GET4: variants seen among roughly 807,000 people sequenced by gnomAD.
GET4 encodes the protein guided entry of tail-anchored proteins factor 4.
GET4 carries 20 observed loss-of-function variants against 40.0 expected under a neutral mutation model. That is an observed-to-expected ratio of 0.50 (90% CI 0.35 to 0.73). GET4 has a LOEUF of 0.73. Among genes scored for constraint, GET4 ranks in the 30% least tolerant of loss-of-function variants. GET4 has a pLI of 0.01. For missense variants in GET4, 557 were observed against 454.0 expected (o/e 1.23, Z -2.06); for synonymous variants, 280 against 194.6 (o/e 1.44, Z -3.65).
chr7:883,430 C>T (rs1255431116), intron 1 of GET4: 3 of 790,240 alleles, frequency 3.8e-6, no homozygotes, highest in East Asian at 1.3e-4. Context: ...CCGACAGTCT[C>T]GGCCACTAGT....
At chr7:883,945 TGCCCGGCTCCCA>T in intron 1 of GET4, 1 of 1,061,846 alleles carries the variant, frequency 9.4e-7, no homozygotes, top group Non-Finnish European at 1.1e-6. Context: ...TTTTTCCCCT[TGCCCGGCTCCCA>T]GCTGCCCAGG....
At chr7:886,457 C>T (rs1844190315) in intron 2 of GET4, 112 bp from the exon 3 acceptor site, 6 of 749,208 alleles carry the variant, frequency 8.0e-6, no homozygotes, top group South Asian at 7.9e-5. Context: ...TCAGAAGAGA[C>T]TCCTCAGCAC....
intron 2 of GET4, 123 bp from the exon 3 acceptor site, chr7:886,446 C>A: frequency 1.4e-6 from 1 of 718,210 alleles, no homozygotes; most frequent in Non-Finnish European, 2.5e-6. Flanking sequence ...GGACGTGGTG[C>A]TCAGAAGAGA....
rs1383886497 is a variant in GET4 at position 887,548 on chromosome 7, C to T, written c.466+29C>T. Reference sequence around the variant, plus strand: ...GGCCTGGGGCCAGGGCAGGCGTGGGCACCTCTCTGCTCTCGGCGTTGATTT... The same window carrying T: ...GGCCTGGGGCCAGGGCAGGCGTGGGTACCTCTCTGCTCTCGGCGTTGATTT... On this transcript the variant is annotated intron_variant, in intron 4 of 8. Coordinates refer to ENST00000265857, the MANE Select transcript of GET4 (RefSeq NM_015949.3). 5 of 1,483,248 alleles carry T rather than the reference C, an allele frequency of 3.4e-6. No homozygotes were observed. In the African/African-American group the frequency reaches 4.2e-5, roughly 13 times the overall value. 91.9% of individuals were successfully genotyped at this position (1,483,248 alleles called of 1,614,324 possible).
intron 4 of GET4, 101 bp from the exon 5 acceptor site, chr7:890,827 C>T (rs12668371): frequency 2.1e-5 from 20 of 938,994 alleles, no homozygotes; most frequent in Middle Eastern, 2.3e-4. Context: ...TCCTCCAGGG[C>T]GGGCAGGTGG....
chr7:877,801 C>T (rs868332483), intron 1 of GET4: 93 of 70,192 alleles, frequency 1.3e-3, no homozygotes, highest in Middle Eastern at 9.3e-3. Flanking sequence ...CCGTGGCCTT[C>T]CCAGATCTTC....
rs949427185 is a variant in GET4 at position 883,949 on chromosome 7, C to T, written c.156-2107C>T. On this transcript the variant is annotated intron_variant, in intron 1 of 8. Coordinates refer to ENST00000265857, the MANE Select transcript of GET4 (RefSeq NM_015949.3). The stretch of plus-strand genomic sequence containing the variant: ...TCCTCCCGTCCTTTTTCCCCTTGCC[C>T]GGCTCCCAGCTGCCCAGGGAAGAAG... 1.4e-5 allele frequency: 15 copies of T among 1,059,360 alleles called. No individual in the cohort carries two copies. The South Asian group carries it at 2.7e-4, about 19-fold the overall frequency. 65.6% of individuals were successfully genotyped at this position (1,059,360 alleles called of 1,614,324 possible).
At chr7:887,237 T>C (rs1463527048) in intron 3 of GET4, 133 bp from the exon 4 acceptor site, 2 of 903,838 alleles carry the variant, frequency 2.2e-6, no homozygotes, top group Non-Finnish European at 3.7e-6. Context: ...GGTCCACGGC[T>C]CACTCAGGGA....
rs1157316277 is a variant in GET4, at chr7:896,302, C to G, written c.*880C>G. The G allele has an allele frequency of 6.6e-6, 1 of 152,160 alleles. No individual in the cohort carries two copies. Among genetic ancestry groups the G allele is most frequent in the African/African-American group, 2.4e-5 (1 of 41,426 alleles). 9.4% of individuals were successfully genotyped at this position (152,160 alleles called of 1,614,324 possible). Reference sequence around the variant, plus strand: ...AAAGGGGAGACGCTCTATTTTTTCACAGTTAAATGACAGTTGTAGATTGAT... The same window carrying G: ...AAAGGGGAGACGCTCTATTTTTTCAGAGTTAAATGACAGTTGTAGATTGAT... On this transcript the variant is annotated 3_prime_UTR_variant, in exon 9 of 9. Coordinates refer to ENST00000265857, the MANE Select transcript of GET4 (RefSeq NM_015949.3).
intron 1 of GET4, 105 bp from the exon 2 acceptor site, chr7:885,951 A>G (rs1844178251): frequency 1.3e-6 from 1 of 753,852 alleles, no homozygotes; most frequent in Admixed American, 1.9e-5. Context: ...TTAGGATGCC[A>G]CCTGTTCCTG....
intron 1 of GET4, chr7:885,384 C>G (rs548855277): frequency 6.6e-6 from 1 of 152,368 alleles, no homozygotes; most frequent in Non-Finnish European, 1.5e-5. Context: ...CTCTCCACAT[C>G]GTCTGTCACG....
chr7:892,213 G>A (rs201578657), intron 5 of GET4, 65 bp from the exon 6 acceptor site: 1,610 of 1,538,626 alleles, frequency 1.0e-3, no homozygotes, highest in Non-Finnish European at 1.4e-3. Context: ...GTCGGAGGCC[G>A]GCGCCTGTGC....
At position 890,942 on chromosome 7, in the gene GET4, G is replaced by C; in HGVS notation, c.481G>C (p.Glu161Gln). 1 of 1,606,336 alleles carries C rather than the reference G, an allele frequency of 6.2e-7. No homozygotes were observed. The highest frequency in any genetic ancestry group is 8.5e-7 in the Non-Finnish European group (1 of 1,173,158). The change falls in exon 5 of 9, where the codon GAG becomes CAG. Residue 161 changes from glutamate (E) to glutamine (Q), a missense_variant. Coordinates refer to ENST00000265857, the MANE Select transcript of GET4 (RefSeq NM_015949.3). ...TTCCTTTGCAGAACAAAACTATTGT[G>C]AGTCGAGGTATCATTTTCTGCACTC... ...LTLWKEQNYC[E>Q]SRYHFLHSAD...
intron 5 of GET4, 109 bp from the exon 6 acceptor site, chr7:892,169 A>G (rs143921575): frequency 0.012 from 13,670 of 1,143,658 alleles, 282 homozygotes; most frequent in African/African-American, 0.069. Context: ...CTTGGGCCGC[A>G]GGAACCGTGG....
intron 8 of GET4, 114 bp from the exon 9 acceptor site, chr7:895,220 T>G: frequency 1.7e-6 from 1 of 591,878 alleles, no homozygotes; most frequent in Non-Finnish European, 3.1e-6. Context: ...ATGTGAGGCT[T>G]TTGCTTGTTC....
chr7:879,161 C>A (rs192736545), intron 1 of GET4, among the ~76,000 whole-genome samples: 1 of 152,368 alleles, frequency 6.6e-6, no homozygotes, highest in Admixed American at 6.5e-5. Context: ...ACCTGGAAAA[C>A]TCTGGAGGTG....
intron 5 of GET4, among the ~76,000 whole-genome samples, chr7:891,770 CTT>C (rs1177427959): frequency 1.3e-5 from 2 of 152,270 alleles, no homozygotes; most frequent in African/African-American, 4.8e-5. Context: ...GCGTCCGTGA[CTT>C]AAGTGAAAAG....
intron 7 of GET4, 37 bp downstream of exon 7, chr7:893,852 C>T: frequency 1.9e-6 from 3 of 1,604,896 alleles, no homozygotes; most frequent in Non-Finnish European, 1.7e-6. Flanking sequence ...GAGGGGACCC[C>T]ACGGTCTGGG....
chr7:894,108 T>G, intron 8 of GET4, 137 bp downstream of exon 8: 1 of 587,814 alleles, frequency 1.7e-6, no homozygotes. Context: ...CAGTTTACTT[T>G]TGTTAGTAGG....
Sources: allele counts gnomAD v4.1 joint callset (sites outside exome capture counted in the v4.1 genomes callset), GRCh38; gene constraint gnomAD v4.1.1; transcripts MANE v1.5; gene names NCBI Gene and HGNC (gene_info 2026-07-23, HGNC 2026-07-21).